GNA12: variants seen among roughly 807,000 people sequenced by gnomAD.
GNA12 encodes the protein G protein subunit alpha 12.
GNA12 carries 9 observed loss-of-function variants against 26.0 expected under a neutral mutation model. The observed-to-expected ratio is 0.35, with a 90% CI of 0.21 to 0.60. The LOEUF is 0.60. Ranked by LOEUF, GNA12 falls within the 20% of genes least tolerant of loss-of-function variation. The probability of loss-of-function intolerance (pLI) is 0.78; values close to 1 mark genes in which losing one functional copy is unlikely to be tolerated. For missense variants in GNA12, 405 were observed against 525.8 expected, an observed-to-expected ratio of 0.77 and a Z score of 2.25; for synonymous variants, 264 against 219.6, an observed-to-expected ratio of 1.20 and a Z score of -1.79.
rs1562390197 is a variant in GNA12 at position 2,731,381 on chromosome 7, C to T, written c.946G>A (p.Asp316Asn). 1 of 1,613,526 alleles carries T rather than the reference C, an allele frequency of 6.2e-7. No homozygotes were observed. Among genetic ancestry groups the T allele is most frequent in the Non-Finnish European group, 8.5e-7 (1 of 1,179,592 alleles). Residue 316 changes from aspartate (D) to asparagine (N), a missense_variant, in exon 4 of 4, where the codon GAC becomes AAC. Asp to Asn is a conservative substitution (Grantham distance 23). Coordinates refer to ENST00000275364, the MANE Select transcript of GNA12 (RefSeq NM_007353.3). The surrounding 1 kb of genome is among the most constrained non-coding windows in gnomAD (Gnocchi z 6.0). ...KTVSIKKHFP[D>N]FRGDPHRLED... is the part of the protein sequence containing the mutation. ...AGCCTGTGCGGGTCGCCCCTGAAGT[C>T]CGGGAAGTGCTTCTTGATGCTCACG...
chr7:2,794,830 A>C (rs1216511977), intron 2 of GNA12, 98 bp downstream of exon 2: 16 of 856,744 alleles, frequency 1.9e-5, no homozygotes, highest in Non-Finnish European at 3.1e-5. Flanking sequence ...GCTTGCTTGG[A>C]CTGTTACACA....
chr7:2,773,107 G>C (rs555236883), intron 2 of GNA12, among the ~76,000 whole-genome samples: 1 of 152,378 alleles, frequency 6.6e-6, no homozygotes, highest in African/African-American at 2.4e-5. Context: ...GTCACCAGGA[G>C]GAGTGGTATC....
At chr7:2,765,074 C>A (rs908361203) in intron 2 of GNA12, 3 of 152,068 alleles carry the variant, frequency 2.0e-5, no homozygotes, top group African/African-American at 7.2e-5. Context: ...TCCCAAATAA[C>A]CCCCCCAAAT....
At chr7:2,799,766 T>C (rs74780918) in intron 1 of GNA12, among the ~76,000 whole-genome samples, 3,909 of 152,162 alleles carry the variant, frequency 0.026, 187 homozygotes, top group African/African-American at 0.09. Flanking sequence ...AAAAAGATGT[T>C]CAAGATCACC....
At chr7:2,796,082 T>G (rs1447103096) in intron 1 of GNA12, among the ~76,000 whole-genome samples, 1 of 151,910 alleles carries the variant, frequency 6.6e-6, no homozygotes, top group East Asian at 1.9e-4. Context: ...TCCAGCCTGG[T>G]CTCGAACTCC....
At chr7:2,795,519 A>G (rs967384583) in intron 1 of GNA12, among the ~76,000 whole-genome samples, 4 of 151,902 alleles carry the variant, frequency 2.6e-5, no homozygotes, top group Admixed American at 1.3e-4. Flanking sequence ...GCACACCTGT[A>G]GTCTCAGCTG....
chr7:2,736,467 T>C (rs1447970230), intron 2 of GNA12, among the ~76,000 whole-genome samples: 1 of 152,158 alleles, frequency 6.6e-6, no homozygotes, highest in Non-Finnish European at 1.5e-5. Flanking sequence ...GTCCCACGAA[T>C]GTGTCTGTCC....
At chr7:2,782,697 T>C (rs1265367847) in intron 2 of GNA12, among the ~76,000 whole-genome samples, 2 of 152,064 alleles carry the variant, frequency 1.3e-5, no homozygotes, top group Non-Finnish European at 2.9e-5. Flanking sequence ...ACTGGGTTTC[T>C]TGACTGTTTG....
chr7:2,805,640 G>A (rs1792928356), intron 1 of GNA12, among the ~76,000 whole-genome samples: 2 of 152,252 alleles, frequency 1.3e-5, no homozygotes, highest in South Asian at 2.1e-4. Flanking sequence ...ACGGAGACTA[G>A]AGCCAGAGCT....
intron 1 of GNA12, among the ~76,000 whole-genome samples, chr7:2,810,113 T>G (rs1761954152): frequency 1.3e-5 from 2 of 152,190 alleles, no homozygotes; most frequent in African/African-American, 4.8e-5. Context: ...GCTGCATGTG[T>G]TAGTCTGGGC....
intron 1 of GNA12, among the ~76,000 whole-genome samples, chr7:2,839,200 G>C (rs986586917): frequency 1.3e-5 from 2 of 152,188 alleles, no homozygotes; most frequent in East Asian, 3.9e-4. Context: ...TAGTGGAGTC[G>C]AACCAGAAAT....
At chr7:2,763,344 G>C (rs2115405163) in intron 2 of GNA12, 1 of 157,742 alleles carries the variant, frequency 6.3e-6, no homozygotes, top group Non-Finnish European at 1.4e-5. Flanking sequence ...TGCGCCCTCG[G>C]CACAGTTTGT....
At chr7:2,828,248 A>G (rs1362493798) in intron 1 of GNA12, among the ~76,000 whole-genome samples, 2 of 152,264 alleles carry the variant, frequency 1.3e-5, no homozygotes, top group Non-Finnish European at 2.9e-5. Flanking sequence ...AAAAGGCTTT[A>G]AATAATCACT....
chr7:2,779,563 T>C (rs1445226517), intron 2 of GNA12, among the ~76,000 whole-genome samples: 1 of 152,088 alleles, frequency 6.6e-6, no homozygotes, highest in Non-Finnish European at 1.5e-5. Flanking sequence ...ATTGTTCTCA[T>C]GGCCTTTTCT....
intron 1 of GNA12, among the ~76,000 whole-genome samples, chr7:2,843,011 A>G (rs1779045316): frequency 6.6e-6 from 1 of 152,190 alleles, no homozygotes; most frequent in Non-Finnish European, 1.5e-5. Flanking sequence ...TTCGTATTAG[A>G]AAGTGTGGCT....
chr7:2,826,853 T>C (rs1793495713), intron 1 of GNA12, among the ~76,000 whole-genome samples: 3 of 152,296 alleles, frequency 2.0e-5, no homozygotes, highest in East Asian at 1.9e-4. Flanking sequence ...TTTTGAATGA[T>C]GCCATAACGG....
intron 2 of GNA12, among the ~76,000 whole-genome samples, chr7:2,770,511 C>T (rs1353748930): frequency 6.6e-6 from 1 of 152,024 alleles, no homozygotes; most frequent in South Asian, 2.1e-4. Flanking sequence ...GTCTCAGCTA[C>T]CCAGGAGGCT....
intron 1 of GNA12, among the ~76,000 whole-genome samples, chr7:2,831,371 C>A (rs185217348): frequency 1.3e-5 from 2 of 151,924 alleles, no homozygotes; most frequent in African/African-American, 4.8e-5. Flanking sequence ...TTCCTCTCCC[C>A]ACCCTAAAAC....
At chr7:2,799,680 A>T (rs77730120) in intron 1 of GNA12, among the ~76,000 whole-genome samples, 5,193 of 152,210 alleles carry the variant, frequency 0.034, 222 homozygotes, top group African/African-American at 0.098. Context: ...GAAAAAAAAA[A>T]TTTTTTAAAG....
Sources: allele counts gnomAD v4.1 joint callset (sites outside exome capture counted in the v4.1 genomes callset), GRCh38; gene constraint gnomAD v4.1.1; non-coding constraint Gnocchi (gnomAD v3.1); transcripts MANE v1.5; gene names NCBI Gene and HGNC (gene_info 2026-07-23, HGNC 2026-07-21).